VPS13B: variants seen among roughly 807,000 people sequenced by gnomAD.
VPS13B encodes intermembrane lipid transfer protein VPS13B.
A neutral mutation model predicts 426.4 loss-of-function variants in VPS13B; 285 were observed. The observed-to-expected ratio is 0.67, with a 90% confidence interval of 0.61 to 0.74. The LOEUF (loss-of-function observed/expected upper bound fraction) is 0.74. VPS13B is among the 30% of genes least tolerant of loss of function. The pLI, the probability that VPS13B is intolerant of heterozygous loss-of-function variation, is 0.00. For synonymous variants in VPS13B, 1,676 were observed against 1,676.4 expected (o/e 1.00, Z 0.01); for missense variants, 4,537 against 4,782.6 (o/e 0.95, Z 1.51).
intron 3 of VPS13B, among the ~76,000 whole-genome samples, chr8:99,092,667 G>A (rs1018906337): frequency 6.6e-6 from 1 of 152,004 alleles, no homozygotes; most frequent in Non-Finnish European, 1.5e-5. Context: ...TGAAATGAAA[G>A]CAAGTTCAAA....
intron 19 of VPS13B, among the ~76,000 whole-genome samples, chr8:99,362,300 C>T (rs1812614715): frequency 6.6e-6 from 1 of 152,124 alleles, no homozygotes; most frequent in African/African-American, 2.4e-5. Context: ...CGCCACCACA[C>T]CTGCTAATTT....
chr8:99,203,163 G>A (rs4307310), intron 17 of VPS13B, among the ~76,000 whole-genome samples: 1 of 152,016 alleles, frequency 6.6e-6, no homozygotes, highest in Non-Finnish European at 1.5e-5. Context: ...GCTTATCCAC[G>A]ACGATCAAGT....
intron 17 of VPS13B, among the ~76,000 whole-genome samples, chr8:99,214,946 A>G (rs1009471782): frequency 2.6e-5 from 4 of 152,152 alleles, no homozygotes; most frequent in South Asian, 2.1e-4. Context: ...AATATACTCC[A>G]TATTTCTGCA....
chr8:99,611,721 C>T (rs1180899726), intron 33 of VPS13B, among the ~76,000 whole-genome samples: 2 of 151,906 alleles, frequency 1.3e-5, no homozygotes, highest in Non-Finnish European at 2.9e-5. Context: ...TTTTTGCTCT[C>T]TTTTAACACT....
intron 17 of VPS13B, among the ~76,000 whole-genome samples, chr8:99,218,909 A>G (rs900279716): frequency 5.3e-5 from 8 of 152,234 alleles, no homozygotes; most frequent in African/African-American, 1.9e-4. Flanking sequence ...TGCCCAGTCT[A>G]TGATGGTGAA....
chr8:99,028,150 C>A (rs1470607446), intron 2 of VPS13B, among the ~76,000 whole-genome samples: 1 of 152,130 alleles, frequency 6.6e-6, no homozygotes, highest in Non-Finnish European at 1.5e-5. Flanking sequence ...ATTTCTCAAT[C>A]TTTTCCCCAC....
At chr8:99,685,097 GGCCCCATTA>G (rs1156930625) in intron 35 of VPS13B, among the ~76,000 whole-genome samples, 1 of 152,172 alleles carries the variant, frequency 6.6e-6, no homozygotes, top group African/African-American at 2.4e-5. Flanking sequence ...CACCGCGCCT[GGCCCCATTA>G]GATGTTTTTA....
intron 3 of VPS13B, among the ~76,000 whole-genome samples, chr8:99,041,559 T>A (rs552610911): frequency 4.6e-5 from 7 of 152,120 alleles, no homozygotes; most frequent in Non-Finnish European, 7.4e-5. Flanking sequence ...CTTTGATCAT[T>A]GAATTAAGTC....
chr8:99,410,535 ATTATTTATTTAT>A lies in VPS13B; in HGVS notation c.3082+18861_3082+18872del, dbSNP rs202087477. ...AATTCAATCTTGCTGTGTTACCAGA[ATTATTTATTTAT>A]TTATTTATTTATTTATTTATTTATT... is the stretch of plus-strand genomic sequence containing the variant. On this transcript the variant is annotated intron_variant, in intron 21 of 61. Transcript: ENST00000357162. 3.6e-3 allele frequency among the ~76,000 whole-genome samples: 539 copies of A among 149,060 alleles called. 2 individuals are homozygous for A. Among genetic ancestry groups the A allele is most frequent in the East Asian group, 8.8e-3 (45 of 5,128 alleles).
intron 19 of VPS13B, among the ~76,000 whole-genome samples, chr8:99,368,963 G>C (rs1052965472): frequency 1.3e-5 from 2 of 152,136 alleles, no homozygotes; most frequent in Non-Finnish European, 2.9e-5. Flanking sequence ...GTTGCACAAG[G>C]TGGTGTCTAT....
chr8:99,335,965 A>G (rs1810836776), intron 19 of VPS13B, among the ~76,000 whole-genome samples: 1 of 152,218 alleles, frequency 6.6e-6, no homozygotes, highest in African/African-American at 2.4e-5. Flanking sequence ...ATTCAATGCC[A>G]TCCCCATCAA....
chr8:99,146,027 C>T (rs897536532), intron 13 of VPS13B, among the ~76,000 whole-genome samples: 1 of 109,528 alleles, frequency 9.1e-6, no homozygotes, highest in South Asian at 2.5e-4. Flanking sequence ...AGCAATCTGC[C>T]ATCTCATTGT....
At chr8:99,445,069 G>C (rs1031239346) in intron 23 of VPS13B, among the ~76,000 whole-genome samples, 6 of 151,884 alleles carry the variant, frequency 4.0e-5, no homozygotes, top group African/African-American at 1.5e-4. Context: ...TCTTACAGTT[G>C]AGTTGTAAGA....
At chr8:99,418,850 G>A (rs943960348) in intron 21 of VPS13B, among the ~76,000 whole-genome samples, 2 of 152,184 alleles carry the variant, frequency 1.3e-5, no homozygotes, top group African/African-American at 4.8e-5. Flanking sequence ...TTATTGCCTA[G>A]AAATCTAGAG....
At chr8:99,429,640 A>C (rs1816977511) in intron 21 of VPS13B, 1 of 152,110 alleles carries the variant, frequency 6.6e-6, no homozygotes, top group South Asian at 2.1e-4. Flanking sequence ...TATACATCTA[A>C]TCCATCAGTA....
At chr8:99,537,564 G>A (rs1221250769) in intron 30 of VPS13B, among the ~76,000 whole-genome samples, 1 of 152,194 alleles carries the variant, frequency 6.6e-6, no homozygotes, top group Non-Finnish European at 1.5e-5. Context: ...AAATGGAAAT[G>A]TATTGCAACA....
chr8:99,614,183 A>G (rs1247859289), intron 33 of VPS13B: 2 of 152,148 alleles, frequency 1.3e-5, no homozygotes, highest in Non-Finnish European at 2.9e-5. Context: ...TTACTGGCAG[A>G]TTATGTAGGC....
At position 99,803,549 on chromosome 8, in the gene VPS13B, T is replaced by G. The variant is rs187635020; in HGVS notation, c.7942-5826T>G. Reference sequence around the variant, plus strand: ...TAAACTTACTCTTTTAGGTGGGAAATTATATTCTATAAATGTGAAAGGATA... The same window carrying G: ...TAAACTTACTCTTTTAGGTGGGAAAGTATATTCTATAAATGTGAAAGGATA... On this transcript the variant is annotated intron_variant, in intron 43 of 61. Coordinates refer to ENST00000357162, the MANE Select transcript of VPS13B (RefSeq NM_152564.5). Among the ~76,000 whole-genome samples the G allele has an allele frequency of 2.6e-4, 40 of 152,316 alleles. No individual in the cohort carries two copies. In the East Asian group the frequency reaches 5.2e-3, roughly 20 times the overall value.
chr8:99,373,754 A>T (rs1394937430), intron 19 of VPS13B, among the ~76,000 whole-genome samples: 1 of 152,108 alleles, frequency 6.6e-6, no homozygotes, highest in Non-Finnish European at 1.5e-5. Flanking sequence ...AGATGGGAGG[A>T]TCACTTGAAG....
Sources: gnomAD v4.1 joint callset for allele counts (sites outside exome capture counted in the v4.1 genomes callset) on GRCh38, gnomAD v4.1.1 for gene constraint, MANE v1.5 for transcripts, NCBI Gene and HGNC (gene_info 2026-07-23, HGNC 2026-07-21) for gene names.